ATP2B2: variants seen among roughly 807,000 people sequenced by gnomAD.
ATP2B2 encodes the protein plasma membrane calcium-transporting ATPase 2.
Under a neutral mutation model 120.0 loss-of-function variants are expected in ATP2B2, and 15 were observed. The ratio of observed to expected loss-of-function variants is 0.12; its 90% confidence interval spans 0.08 to 0.19. The LOEUF (loss-of-function observed/expected upper bound fraction) is 0.19, where lower values mean the gene tolerates loss of function less well. ATP2B2 is among the 10% of genes least tolerant of loss of function. ATP2B2 has a pLI of 1.00. For synonymous variants in ATP2B2, 694 were observed against 700.3 expected, an observed-to-expected ratio of 0.99 and a Z score of 0.14; for missense variants, 1,045 against 1,719.8, an observed-to-expected ratio of 0.61 and a Z score of 6.94.
chr3:10,494,477 G>A (rs2066061777), intron 1 of ATP2B2, among the ~76,000 whole-genome samples: 1 of 152,178 alleles, frequency 6.6e-6, no homozygotes, highest in Non-Finnish European at 1.5e-5. Flanking sequence ...TCCAGGGGCT[G>A]CTCTTAACCA....
At chr3:10,513,733 G>C (rs1371865013) in intron 3 of ATP2B2, among the ~76,000 whole-genome samples, 1 of 152,178 alleles carries the variant, frequency 6.6e-6, no homozygotes, top group Non-Finnish European at 1.5e-5. Context: ...GAATGTGCAG[G>C]GGGCTGAGGG....
At chr3:10,540,267 G>A (rs1175947847) in intron 2 of ATP2B2, among the ~76,000 whole-genome samples, 1 of 152,202 alleles carries the variant, frequency 6.6e-6, no homozygotes, top group Non-Finnish European at 1.5e-5. Context: ...TTACACTGTT[G>A]GTGGGACTGT....
chr3:10,527,496 G>C (rs974303926), intron 3 of ATP2B2, among the ~76,000 whole-genome samples: 1 of 152,172 alleles, frequency 6.6e-6, no homozygotes, highest in Non-Finnish European at 1.5e-5. Context: ...AGCTGGGTGA[G>C]GCCAGAGACA....
At chr3:10,392,609 G>T (rs372327320) in intron 5 of ATP2B2, among the ~76,000 whole-genome samples, 24 of 152,232 alleles carry the variant, frequency 1.6e-4, no homozygotes, top group African/African-American at 4.8e-4. Context: ...GGCCTTGTGG[G>T]ACCTCACTGT....
intron 1 of ATP2B2, among the ~76,000 whole-genome samples, chr3:10,500,992 C>A (rs1313075084): frequency 6.6e-6 from 1 of 152,224 alleles, no homozygotes; most frequent in African/African-American, 2.4e-5. Flanking sequence ...AGGGCTTACA[C>A]AGCTTTTCCA....
intron 2 of ATP2B2, among the ~76,000 whole-genome samples, chr3:10,587,856 A>T (rs1363863221): frequency 2.6e-5 from 4 of 152,138 alleles, no homozygotes; most frequent in Non-Finnish European, 4.4e-5. Context: ...AAGTGAATGA[A>T]TTTGGTTGCT....
chr3:10,345,823 C>A lies in ATP2B2; in HGVS notation c.2511+208G>T, dbSNP rs923820078. 4.6e-5 allele frequency among the ~76,000 whole-genome samples: 7 copies of A among 152,196 alleles called. No homozygotes were observed. The East Asian group carries it at 1.2e-3, about 25-fold the overall frequency. ...TTCCTCCTCAGCCTGCAAGTGCCCCCCTTCACACAGCTCCCCCAGAGCAAG... is the reference window on the plus strand; with the variant it reads ...TTCCTCCTCAGCCTGCAAGTGCCCCACTTCACACAGCTCCCCCAGAGCAAG... On this transcript the variant is annotated intron_variant, in intron 17 of 22. Transcript: ENST00000360273.
rs914045854 is a variant in ATP2B2, at chr3:10,326,038, G to A, written c.*2776C>T. 2.6e-5 allele frequency: 4 copies of A among 152,290 alleles called. No individual in the cohort carries two copies. Among genetic ancestry groups the A allele is most frequent in the African/African-American group, 9.7e-5 (4 of 41,380 alleles). The allele number at this position is 152,290 out of a possible 1,614,324, so 9.4% of individuals were successfully genotyped here. A position where few individuals can be genotyped will look rare whatever the true frequency, so the allele number is the denominator to read the frequency against. On this transcript the variant is annotated 3_prime_UTR_variant, in exon 23 of 23. Transcript: ENST00000360273. ...CACTGCACGAGTCAGAAGAGCCAGC[G>A]ATTGAAAGCATAACCATTGCATAGT...
At chr3:10,477,446 G>A (rs2065247694) in intron 1 of ATP2B2, among the ~76,000 whole-genome samples, 1 of 152,168 alleles carries the variant, frequency 6.6e-6, no homozygotes, top group Admixed American at 6.5e-5. Context: ...ACAGTTCAGT[G>A]ACATTAAGTG....
chr3:10,604,267 T>C (rs1034456916), intron 2 of ATP2B2, among the ~76,000 whole-genome samples: 1 of 152,148 alleles, frequency 6.6e-6, no homozygotes, highest in Non-Finnish European at 1.5e-5. Flanking sequence ...TGGAGCCCTG[T>C]TAAGACATCC....
chr3:10,562,423 T>C (rs1414009219), intron 2 of ATP2B2, among the ~76,000 whole-genome samples: 1 of 152,166 alleles, frequency 6.6e-6, no homozygotes, highest in Non-Finnish European at 1.5e-5. Flanking sequence ...TGAGCTGCCC[T>C]CCAGGGGTGG....
chr3:10,656,377 A>G (rs886608593), intron 1 of ATP2B2, among the ~76,000 whole-genome samples: 9 of 152,214 alleles, frequency 5.9e-5, no homozygotes, highest in African/African-American at 2.2e-4. Context: ...TCAACATCCC[A>G]GAGCACTCTG....
intron 1 of ATP2B2, among the ~76,000 whole-genome samples, chr3:10,471,783 T>A (rs1026120844): frequency 3.3e-5 from 5 of 152,238 alleles, no homozygotes; most frequent in Admixed American, 6.5e-5. Flanking sequence ...TTCATTAATT[T>A]AAAAAAATTA....
At position 10,340,814 on chromosome 3, in the gene ATP2B2, G is replaced by C. The variant is rs549667800; in HGVS notation, c.2918-110C>G. ...TCTGAGCAGTGACGTGAATCCCCAAGACATCAAGGCATGCTTGGACAGTGG... is the reference window on the plus strand; with the variant it reads ...TCTGAGCAGTGACGTGAATCCCCAACACATCAAGGCATGCTTGGACAGTGG... On this transcript the variant is annotated intron_variant, in intron 19 of 22. Transcript: ENST00000360273. The surrounding 1 kb of genome is among the most constrained non-coding windows in gnomAD (Gnocchi z 5.0). The C allele has an allele frequency of 3.7e-6, 4 of 1,085,640 alleles. No individual in the cohort carries two copies. In the African/African-American group the frequency reaches 6.2e-5, roughly 17 times the overall value. 67.3% of individuals were successfully genotyped at this position (1,085,640 alleles called of 1,614,324 possible).
intron 1 of ATP2B2, among the ~76,000 whole-genome samples, chr3:10,668,554 A>G (rs931390963): frequency 3.3e-5 from 5 of 151,992 alleles, no homozygotes; most frequent in African/African-American, 1.2e-4. Context: ...CCATCCCACA[A>G]GATTCTTTCC....
intron 2 of ATP2B2, among the ~76,000 whole-genome samples, chr3:10,614,026 G>C (rs937701069): frequency 6.6e-6 from 1 of 151,910 alleles, no homozygotes; most frequent in Admixed American, 6.6e-5. Flanking sequence ...CAGCCTGAAA[G>C]GTCACCTCCT....
intron 14 of ATP2B2, among the ~76,000 whole-genome samples, chr3:10,356,177 T>C (rs1262051687): frequency 6.8e-6 from 1 of 148,098 alleles, no homozygotes; most frequent in Non-Finnish European, 1.5e-5. Flanking sequence ...TGTGTGTGTG[T>C]GTGTGTGTGT....
intron 1 of ATP2B2, among the ~76,000 whole-genome samples, chr3:10,654,750 C>T (rs2070566452): frequency 6.8e-6 from 1 of 147,214 alleles, no homozygotes; most frequent in Admixed American, 6.8e-5. Flanking sequence ...GAGTGGTCCT[C>T]AGTGTATTGA....
intron 2 of ATP2B2, among the ~76,000 whole-genome samples, chr3:10,569,020 C>T (rs768598480): frequency 2.6e-5 from 4 of 152,222 alleles, no homozygotes; most frequent in South Asian, 2.1e-4. Flanking sequence ...TTCCCCATCT[C>T]GATGGATCCT....
Sources: allele counts gnomAD v4.1 joint callset (sites outside exome capture counted in the v4.1 genomes callset), GRCh38; gene constraint gnomAD v4.1.1; non-coding constraint Gnocchi (gnomAD v3.1); transcripts MANE v1.5; gene names NCBI Gene and HGNC (gene_info 2026-07-23, HGNC 2026-07-21).